The following DLGAP2 variants were observed in gnomAD, a reference collection of about 807,000 sequenced individuals.
DLGAP2 encodes the protein DLG associated protein 2.
Under a neutral mutation model 100.3 loss-of-function variants are expected in DLGAP2, and 26 were observed. That is an observed-to-expected ratio of 0.26 (90% CI 0.19 to 0.36). The LOEUF (loss-of-function observed/expected upper bound fraction) is 0.36. Ranked by LOEUF, DLGAP2 falls within the 10% of genes least tolerant of loss-of-function variation. DLGAP2 has a pLI of 1.00. For missense variants in DLGAP2, 1,858 were observed against 1,453.2 expected, an observed-to-expected ratio of 1.28 and a Z score of -4.53; for synonymous variants, 886 against 630.1, an observed-to-expected ratio of 1.41 and a Z score of -6.08.
intron 6 of DLGAP2, among the ~76,000 whole-genome samples, chr8:1,576,770 G>C (rs1284135988): frequency 6.6e-6 from 1 of 152,118 alleles, no homozygotes; most frequent in African/African-American, 2.4e-5. Context: ...AGATAAGATG[G>C]TTGTAGATGT....
chr8:840,601 G>C (rs1417506620), intron 1 of DLGAP2, among the ~76,000 whole-genome samples: 1 of 76,538 alleles, frequency 1.3e-5, no homozygotes. Flanking sequence ...CCCACACTCT[G>C]GATTCTGCGA....
At chr8:1,318,720 A>G (rs1336007839) in intron 3 of DLGAP2, among the ~76,000 whole-genome samples, 2 of 150,640 alleles carry the variant, frequency 1.3e-5, no homozygotes, top group African/African-American at 4.9e-5. Context: ...AGTGGTTCCT[A>G]TTCGTACTTA....
At chr8:1,159,092 G>C (rs1043573994) in intron 2 of DLGAP2, among the ~76,000 whole-genome samples, 2 of 152,208 alleles carry the variant, frequency 1.3e-5, no homozygotes, top group Non-Finnish European at 2.9e-5. Flanking sequence ...CTTGAGGAGG[G>C]AAGAACGTAG....
chr8:753,059 G>C (rs1025398041), intron 1 of DLGAP2, among the ~76,000 whole-genome samples: 2 of 152,136 alleles, frequency 1.3e-5, no homozygotes, highest in Non-Finnish European at 2.9e-5. Flanking sequence ...GGTGTATTTG[G>C]GGCAAGTGTT....
At chr8:1,515,188 A>G (rs1404702922) in intron 4 of DLGAP2, among the ~76,000 whole-genome samples, 2 of 152,290 alleles carry the variant, frequency 1.3e-5, no homozygotes, top group Middle Eastern at 3.4e-3. Flanking sequence ...GAGTTGTTGC[A>G]TTGATTCTTT....
chr8:1,110,935 G>A (rs1419396242), intron 2 of DLGAP2, among the ~76,000 whole-genome samples: 3 of 152,108 alleles, frequency 2.0e-5, no homozygotes, highest in African/African-American at 7.2e-5. Context: ...GGGTCAGGGA[G>A]TGTGAGGGTT....
intron 3 of DLGAP2, among the ~76,000 whole-genome samples, chr8:1,441,937 G>T (rs1797846284): frequency 6.6e-6 from 1 of 152,092 alleles, no homozygotes; most frequent in African/African-American, 2.4e-5. Context: ...CCATGAAAAG[G>T]GACAAGATCA....
intron 2 of DLGAP2, among the ~76,000 whole-genome samples, chr8:981,692 A>G (rs1272965244): frequency 6.6e-6 from 1 of 152,096 alleles, no homozygotes; most frequent in African/African-American, 2.4e-5. Flanking sequence ...AGCACCTTTC[A>G]TGTATTTATT....
At chr8:1,506,269 G>C (rs1417844845) in intron 4 of DLGAP2, among the ~76,000 whole-genome samples, 2 of 152,126 alleles carry the variant, frequency 1.3e-5, no homozygotes, top group Non-Finnish European at 2.9e-5. Flanking sequence ...ACCTATACTT[G>C]TCATTTTATC....
chr8:1,105,618 G>T (rs1287855579), intron 2 of DLGAP2, among the ~76,000 whole-genome samples: 1 of 140,270 alleles, frequency 7.1e-6, no homozygotes, highest in East Asian at 2.2e-4. Flanking sequence ...CCATTCTAGG[G>T]TTTTTTTTTT....
intron 1 of DLGAP2, among the ~76,000 whole-genome samples, chr8:829,872 A>G (rs373203209): frequency 1.1e-4 from 16 of 152,326 alleles, no homozygotes; most frequent in African/African-American, 3.4e-4. Context: ...GTTCATAGCC[A>G]TGAGGTTCCC....
chr8:976,147 A>T (rs752343784), intron 2 of DLGAP2, among the ~76,000 whole-genome samples: 6 of 152,220 alleles, frequency 3.9e-5, no homozygotes, highest in Non-Finnish European at 8.8e-5. Context: ...CATGCATAAG[A>T]TCTGTATGAA....
chr8:1,436,952 G>A lies in DLGAP2; in HGVS notation c.107-64414G>A, dbSNP rs371224131. ...ACAGTCTTCAGTGCAGTCACACGCT[G>A]TGCAGGTGCAGCCTGGGAGCAGGAG... On this transcript the variant is annotated intron_variant, in intron 3 of 14. Coordinates refer to ENST00000637795, the MANE Select transcript of DLGAP2 (RefSeq NM_001346810.2). Among the ~76,000 whole-genome samples the A allele has an allele frequency of 1.5e-3, 235 of 152,390 alleles. 1 individual carries two copies. Among genetic ancestry groups the A allele is most frequent in the African/African-American group, 5.3e-3 (222 of 41,594 alleles).
intron 4 of DLGAP2, among the ~76,000 whole-genome samples, chr8:1,517,653 A>G (rs1487283505): frequency 2.6e-5 from 4 of 152,194 alleles, no homozygotes; most frequent in Admixed American, 6.5e-5. Flanking sequence ...ACCACACAGC[A>G]GAAGGGCCTC....
chr8:1,250,884 C>T (rs529429920), intron 2 of DLGAP2, among the ~76,000 whole-genome samples: 41 of 152,310 alleles, frequency 2.7e-4, no homozygotes, highest in Non-Finnish European at 3.8e-4. Flanking sequence ...CTCTGAGAAA[C>T]GTGCCCTTAG....
At chr8:1,694,175 A>G (rs1799321392) in intron 13 of DLGAP2, among the ~76,000 whole-genome samples, 1 of 152,150 alleles carries the variant, frequency 6.6e-6, no homozygotes, top group Admixed American at 6.5e-5. Flanking sequence ...TTCAACTTCT[A>G]TTCAGGATTA....
intron 3 of DLGAP2, among the ~76,000 whole-genome samples, chr8:1,428,612 G>T (rs1797304901): frequency 1.3e-5 from 2 of 152,230 alleles, no homozygotes; most frequent in African/African-American, 4.8e-5. Context: ...ACATTTACAG[G>T]TACAGAAGTA....
At chr8:1,651,176 C>T (rs944533877) in intron 8 of DLGAP2, among the ~76,000 whole-genome samples, 2 of 152,228 alleles carry the variant, frequency 1.3e-5, no homozygotes, top group African/African-American at 2.4e-5. Flanking sequence ...CGTATTTCTT[C>T]CTCCCCACCT....
chr8:824,206 C>T (rs923396653), intron 1 of DLGAP2, among the ~76,000 whole-genome samples: 2 of 152,126 alleles, frequency 1.3e-5, no homozygotes, highest in African/African-American at 4.8e-5. Flanking sequence ...TCCTGAGTAG[C>T]TGGGCCTATA....
Sources: allele counts gnomAD v4.1 joint callset (sites outside exome capture counted in the v4.1 genomes callset), GRCh38; gene constraint gnomAD v4.1.1; transcripts MANE v1.5; gene names NCBI Gene and HGNC (gene_info 2026-07-23, HGNC 2026-07-21).